The following BLTP1 variants were observed in gnomAD, a reference collection of about 807,000 sequenced individuals.
The protein encoded by BLTP1 is bridge-like lipid transfer protein family member 1.
chr4:122,275,406 C>A, the BLTP1 span, among the ~76,000 whole-genome samples: 26 of 152,116 alleles, frequency 1.7e-4, no homozygotes, highest in Middle Eastern at 3.4e-3. Context: ...TATACTCTTT[C>A]GACCTTATAA....
the BLTP1 span, chr4:122,211,956 C>A: frequency 2.7e-6 from 1 of 366,764 alleles, no homozygotes; most frequent in Non-Finnish European, 3.8e-6. Flanking sequence ...AGGAGTTATC[C>A]AACATCACTT....
At chr4:122,261,531 TA>T in the BLTP1 span, 1 of 983,162 alleles carries the variant, frequency 1.0e-6, no homozygotes, top group Non-Finnish European at 1.2e-6. Flanking sequence ...AAAAATTCTG[TA>T]ATTTTTAATT....
chr4:122,195,874 A>AT, the BLTP1 span, among the ~76,000 whole-genome samples: 1 of 152,090 alleles, frequency 6.6e-6, no homozygotes, highest in Non-Finnish European at 1.5e-5. Flanking sequence ...TCTAGGTAGC[A>AT]TTTTCTGTCA....
the BLTP1 span, chr4:122,354,097 G>T: frequency 2.4e-6 from 3 of 1,238,884 alleles, no homozygotes; most frequent in Admixed American, 4.4e-5. Flanking sequence ...GAATTTAAAT[G>T]GAGATGGTGT....
At chr4:122,290,859 A>C in the BLTP1 span, 6 of 151,816 alleles carry the variant, frequency 4.0e-5, no homozygotes, top group Admixed American at 2.8e-4. Flanking sequence ...ATAATATTAT[A>C]TATATTATAT....
the BLTP1 span, among the ~76,000 whole-genome samples, chr4:122,329,292 T>C: frequency 6.6e-6 from 1 of 151,806 alleles, no homozygotes; most frequent in African/African-American, 2.4e-5. Context: ...ACTGTTCTGT[T>C]ATCTTCCAGC....
chr4:122,169,783 T>C, the BLTP1 span: 1 of 984,786 alleles, frequency 1.0e-6, no homozygotes, highest in East Asian at 1.1e-4. Context: ...TTCTTTATCC[T>C]AAGTATCTGA....
At chr4:122,182,868 A>C in the BLTP1 span, 1 of 984,932 alleles carries the variant, frequency 1.0e-6, no homozygotes, top group Non-Finnish European at 1.2e-6. Context: ...AATGATTAAT[A>C]AAGTGAATGC....
the BLTP1 span, chr4:122,305,234 G>A: frequency 2.0e-6 from 2 of 980,556 alleles, no homozygotes; most frequent in Non-Finnish European, 2.4e-6. Context: ...TCATTTGCTT[G>A]TAATTTTTTT....
chr4:122,299,171 C>G, the BLTP1 span: 1 of 982,386 alleles, frequency 1.0e-6, no homozygotes, highest in Non-Finnish European at 1.2e-6. Context: ...GAAGGAAGGA[C>G]CAAATGCTGA....
the BLTP1 span, among the ~76,000 whole-genome samples, chr4:122,330,034 ATGT>A: frequency 6.6e-6 from 1 of 151,812 alleles, no homozygotes; most frequent in Non-Finnish European, 1.5e-5. Context: ...AAGTTCATAC[ATGT>A]TGTCACATAG....
the BLTP1 span, among the ~76,000 whole-genome samples, chr4:122,241,203 G>A: frequency 6.6e-6 from 1 of 152,262 alleles, no homozygotes; most frequent in South Asian, 2.1e-4. Flanking sequence ...ATTGAAGATA[G>A]GAGGACCTAG....
chr4:122,320,111 G>A, the BLTP1 span, among the ~76,000 whole-genome samples: 1 of 151,976 alleles, frequency 6.6e-6, no homozygotes, highest in Non-Finnish European at 1.5e-5. Flanking sequence ...GTTTCTCCTT[G>A]CATTTCTCTT....
the BLTP1 span, chr4:122,304,836 TG>T: frequency 6.2e-7 from 1 of 1,613,968 alleles, no homozygotes; most frequent in Non-Finnish European, 8.5e-7. Flanking sequence ...CAATGAGAGC[TG>T]TAAGATTTGA....
At chr4:122,279,407 A>G in the BLTP1 span, among the ~76,000 whole-genome samples, 1 of 152,194 alleles carries the variant, frequency 6.6e-6, no homozygotes, top group Non-Finnish European at 1.5e-5. Flanking sequence ...CTATCCCCAA[A>G]GGCTTTTTAT....
chr4:122,262,694 A>G, the BLTP1 span: 12 of 1,500,270 alleles, frequency 8.0e-6, no homozygotes, highest in Non-Finnish European at 9.8e-6. Flanking sequence ...AGTAATAGTA[A>G]TAGTGGTTGT....
chr4:122,220,249 T>C, the BLTP1 span: 2 of 1,415,130 alleles, frequency 1.4e-6, no homozygotes, highest in Non-Finnish European at 1.9e-6. Context: ...CTCTTAATCA[T>C]GACAGATGTA....
the BLTP1 span, among the ~76,000 whole-genome samples, chr4:122,342,362 ATTTT>A: frequency 0.016 from 2,443 of 149,758 alleles, 65 homozygotes; most frequent in African/African-American, 0.055. Flanking sequence ...TTATTTATTT[ATTTT>A]TTTTTTTGAG....
At chr4:122,175,148 A>G in the BLTP1 span, 1 of 983,992 alleles carries the variant, frequency 1.0e-6, no homozygotes, top group East Asian at 1.1e-4. Flanking sequence ...AAGCCTACTC[A>G]ATTTTTGTGA....
Sources: allele counts gnomAD v4.1 joint callset (sites outside exome capture counted in the v4.1 genomes callset), GRCh38; gene constraint gnomAD v4.1.1; transcripts MANE v1.5; gene names NCBI Gene and HGNC (gene_info 2026-07-23, HGNC 2026-07-21).